The following GALNT13 variants were observed in gnomAD, a reference collection of about 807,000 sequenced individuals.
GALNT13 encodes the protein polypeptide N-acetylgalactosaminyltransferase 13, also known as UDP-GalNAc:polypeptide N-acetylgalactosaminyltransferase 13.
GALNT13 carries 28 observed loss-of-function variants against 64.2 expected under a neutral mutation model. The ratio of observed to expected loss-of-function variants is 0.44; its 90% CI spans 0.32 to 0.60. The LOEUF is 0.60. GALNT13 is among the 20% of genes least tolerant of loss of function. GALNT13 has a pLI of 0.05. For missense variants in GALNT13, 577 were observed against 669.8 expected (o/e 0.86, Z 1.53); for synonymous variants, 214 against 224.6 (o/e 0.95, Z 0.42).
chr2:153,507,072 T>C, the GALNT13 span, among the ~76,000 whole-genome samples: 6 of 150,946 alleles, frequency 4.0e-5, no homozygotes, highest in Non-Finnish European at 8.9e-5. Context: ...ATGGATTAAT[T>C]TGATGGGTTA....
the GALNT13 span, among the ~76,000 whole-genome samples, chr2:153,162,521 T>A: frequency 6.6e-6 from 1 of 152,068 alleles, no homozygotes; most frequent in Non-Finnish European, 1.5e-5. Context: ...CAGCCTCAGA[T>A]AAGGAAAGGC....
At chr2:153,825,246 T>A in the GALNT13 span, among the ~76,000 whole-genome samples, 1 of 152,264 alleles carries the variant, frequency 6.6e-6, no homozygotes, top group Admixed American at 6.5e-5. Flanking sequence ...ACATCCCTAA[T>A]AATAAATAAT....
intron 4 of GALNT13, among the ~76,000 whole-genome samples, chr2:154,214,671 C>T (rs1000840102): frequency 2.0e-5 from 3 of 152,106 alleles, no homozygotes; most frequent in African/African-American, 7.2e-5. Flanking sequence ...TTCTTCCTGC[C>T]GCCATGTGTG....
chr2:154,123,541 C>A (rs541904789), intron 3 of GALNT13, among the ~76,000 whole-genome samples: 1 of 151,866 alleles, frequency 6.6e-6, no homozygotes, highest in Admixed American at 6.6e-5. Context: ...GCTACACACT[C>A]AATAACATGG....
intron 3 of GALNT13, among the ~76,000 whole-genome samples, chr2:154,113,704 A>G (rs1295839888): frequency 6.6e-6 from 1 of 152,198 alleles, no homozygotes; most frequent in African/African-American, 2.4e-5. Flanking sequence ...TAATGTCATC[A>G]ATGTAATGGA....
the GALNT13 span, among the ~76,000 whole-genome samples, chr2:153,329,239 G>A: frequency 6.6e-6 from 1 of 152,162 alleles, no homozygotes; most frequent in African/African-American, 2.4e-5. Flanking sequence ...GACGGGAGCT[G>A]TTCCTATTCT....
the GALNT13 span, among the ~76,000 whole-genome samples, chr2:153,751,831 A>G: frequency 6.6e-6 from 1 of 151,420 alleles, no homozygotes; most frequent in Non-Finnish European, 1.5e-5. Context: ...CTTACATTCA[A>G]TGTTATTATT....
At chr2:153,328,252 G>T in the GALNT13 span, among the ~76,000 whole-genome samples, 1 of 152,178 alleles carries the variant, frequency 6.6e-6, no homozygotes, top group Non-Finnish European at 1.5e-5. Context: ...CCTTCTGGGA[G>T]GTGTCTTTCA....
intron 11 of GALNT13, among the ~76,000 whole-genome samples, chr2:154,418,913 C>T (rs1700138268): frequency 6.6e-6 from 1 of 152,068 alleles, no homozygotes; most frequent in African/African-American, 2.4e-5. Flanking sequence ...AGTACTGATT[C>T]TTCAGAAAGT....
chr2:154,100,953 A>G (rs187735768), intron 3 of GALNT13, among the ~76,000 whole-genome samples: 1 of 152,086 alleles, frequency 6.6e-6, no homozygotes, highest in East Asian at 1.9e-4. Context: ...TTTTATATCT[A>G]TTGAGGTGGT....
chr2:153,274,049 A>G, the GALNT13 span, among the ~76,000 whole-genome samples: 8 of 152,138 alleles, frequency 5.3e-5, no homozygotes, highest in Admixed American at 1.3e-4. Context: ...TTTATAGCTT[A>G]CTAAAGTTAG....
In GALNT13 at chr2:154,409,089, T is replaced by G. The variant is rs972072409; in HGVS notation, c.1395+7T>G. ...TGGTATGGGAGGAAATCAGGTAAAC[T>G]CTCCCTTTTTATCAGCTTCATGTTT... On this transcript the variant is annotated splice_region_variant and intron_variant, in intron 11 of 12. Transcript: ENST00000392825. 7.1e-6 allele frequency: 11 copies of G among 1,545,258 alleles called. No homozygotes were observed. In the African/African-American group the frequency reaches 8.1e-5, roughly 11 times the overall value.
chr2:153,524,525 A>G, the GALNT13 span, among the ~76,000 whole-genome samples: 2 of 152,102 alleles, frequency 1.3e-5, no homozygotes, highest in Non-Finnish European at 2.9e-5. Flanking sequence ...AAAGTCTTCA[A>G]TTGCCAATGC....
intron 9 of GALNT13, among the ~76,000 whole-genome samples, chr2:154,358,360 C>G (rs930294781): frequency 1.3e-5 from 2 of 152,040 alleles, no homozygotes; most frequent in East Asian, 1.9e-4. Context: ...TAAATGAACT[C>G]AGATTTGGTT....
At chr2:153,812,325 G>A in the GALNT13 span, among the ~76,000 whole-genome samples, 1 of 152,098 alleles carries the variant, frequency 6.6e-6, no homozygotes, top group African/African-American at 2.4e-5. Context: ...TGCAAGAAAA[G>A]GCAAAATTAT....
intron 3 of GALNT13, among the ~76,000 whole-genome samples, chr2:153,986,322 A>G (rs1694798601): frequency 6.6e-6 from 1 of 152,022 alleles, no homozygotes; most frequent in Non-Finnish European, 1.5e-5. Context: ...TATATCCCTC[A>G]TTTAAAACAA....
intron 11 of GALNT13, among the ~76,000 whole-genome samples, chr2:154,412,558 T>G (rs1477596231): frequency 6.6e-6 from 1 of 151,778 alleles, no homozygotes; most frequent in African/African-American, 2.4e-5. Context: ...GTATTTTTTT[T>G]TTGTTTGTCA....
At chr2:153,223,144 G>A in the GALNT13 span, among the ~76,000 whole-genome samples, 4 of 152,236 alleles carry the variant, frequency 2.6e-5, no homozygotes, top group African/African-American at 9.6e-5. Context: ...AAATATGTGT[G>A]CATCTAACAA....
At chr2:154,138,162 G>A (rs77588121) in intron 3 of GALNT13, among the ~76,000 whole-genome samples, 10,725 of 151,964 alleles carry the variant, frequency 0.071, 594 homozygotes, top group African/African-American at 0.14. Context: ...AATCTCCTTT[G>A]TATTATCACT....
Sources: gnomAD v4.1 joint callset for allele counts (sites outside exome capture counted in the v4.1 genomes callset) on GRCh38, gnomAD v4.1.1 for gene constraint, MANE v1.5 for transcripts, NCBI Gene and HGNC (gene_info 2026-07-23, HGNC 2026-07-21) for gene names.